RC3H2: variants seen among roughly 807,000 people sequenced by gnomAD.
RC3H2 encodes the protein roquin-2.
RC3H2 carries 31 observed loss-of-function variants against 133.3 expected under a neutral mutation model. The ratio of observed to expected loss-of-function variants is 0.23; its 90% CI spans 0.17 to 0.31. RC3H2 has a LOEUF of 0.31. RC3H2 is among the 10% of genes least tolerant of loss of function. RC3H2 has a pLI of 1.00. For missense variants in RC3H2, 1,175 were observed against 1,437.2 expected (o/e 0.82, Z 2.95); for synonymous variants, 517 against 502.2 (o/e 1.03, Z -0.40).
At chr9:122,868,937 T>G (rs562350997) in intron 9 of RC3H2, among the ~76,000 whole-genome samples, 6 of 146,490 alleles carry the variant, frequency 4.1e-5, no homozygotes, top group Admixed American at 1.4e-4. Flanking sequence ...GTTCCACTCT[T>G]GTCGCCCAGG....
intron 18 of RC3H2, among the ~76,000 whole-genome samples, chr9:122,852,620 G>A (rs1021717860): frequency 8.6e-5 from 13 of 151,178 alleles, no homozygotes; most frequent in Admixed American, 2.6e-4. Flanking sequence ...CGCCCTGACC[G>A]GGAGGGAGGT....
intron 4 of RC3H2, among the ~76,000 whole-genome samples, chr9:122,885,370 T>C (rs1226140572): frequency 6.6e-6 from 1 of 152,168 alleles, no homozygotes; most frequent in Non-Finnish European, 1.5e-5. Flanking sequence ...TATTTCAGAA[T>C]TATAAATTAC....
chr9:122,871,688 C>T (rs1288035138), intron 9 of RC3H2, among the ~76,000 whole-genome samples: 1 of 152,080 alleles, frequency 6.6e-6, no homozygotes, highest in Non-Finnish European at 1.5e-5. Context: ...CTTTCTCAAT[C>T]ACTCTTTTTC....
intron 4 of RC3H2, 122 bp from the exon 5 acceptor site, chr9:122,883,501 T>C: frequency 3.1e-6 from 2 of 638,240 alleles, no homozygotes; most frequent in East Asian, 3.1e-5. Flanking sequence ...TATATTTAAT[T>C]AGCACAAAGA....
At chr9:122,867,212 A>C (rs1588071561) in intron 9 of RC3H2, among the ~76,000 whole-genome samples, 2 of 98,576 alleles carry the variant, frequency 2.0e-5, no homozygotes, top group Non-Finnish European at 4.3e-5. Context: ...CCCGGCAGCC[A>C]CCCCGTCCGG....
In RC3H2 at chr9:122,844,937, A is replaced by G. The variant is rs1368276053; in HGVS notation, c.*4690T>C. On this transcript the variant is annotated 3_prime_UTR_variant, in exon 21 of 21. Coordinates refer to ENST00000357244, the MANE Select transcript of RC3H2 (RefSeq NM_001100588.3). ...ATTTCATTGTACAGAATTATTTTAAATTATAGTTTTAAATAGAAGCTGAGT... is the reference window on the plus strand; with the variant it reads ...ATTTCATTGTACAGAATTATTTTAAGTTATAGTTTTAAATAGAAGCTGAGT... The G allele has an allele frequency of 1.3e-5, 2 of 152,212 alleles. No individual in the cohort carries two copies. The highest frequency in any genetic ancestry group is 2.9e-5 in the Non-Finnish European group (2 of 68,038). The allele number at this position is 152,212 out of a possible 1,614,324, so 9.4% of individuals were successfully genotyped here.
At chr9:122,898,106 T>C (rs761199022) in intron 1 of RC3H2, 4 of 152,268 alleles carry the variant, frequency 2.6e-5, no homozygotes, top group Non-Finnish European at 5.9e-5. Context: ...TGACAAGACT[T>C]GGCTAGGAAG....
intron 15 of RC3H2, 46 bp downstream of exon 15, chr9:122,855,116 TAAAAAAAAAAAAAAAAAAGGCA>T (rs1830192759): frequency 1.2e-6 from 1 of 868,972 alleles, no homozygotes; most frequent in Non-Finnish European, 1.7e-6. Context: ...CTGTCTCAAT[TAAAAAAAAAAAAAAAAAAGGCA>T]TAGTGCTTAG....
rs747589293 is a variant in RC3H2 at position 122,892,954 on chromosome 9, C to T, written c.304G>A (p.Val102Ile). 15 of 1,612,582 alleles carry T rather than the reference C, an allele frequency of 9.3e-6. No homozygotes were observed. The highest frequency in any genetic ancestry group is 2.2e-5 in the East Asian group (1 of 44,814). ...TTTAAGTAGAGTGCCAAATCCTCAA[C>T]GCATTTCTTTGCAACCTCATAGTGT... ...NKHYEVAKKCVEDLALYLKPL... is the reference protein window; with the variant it reads ...NKHYEVAKKCIEDLALYLKPL... The change falls in exon 3 of 21, where the codon GTT becomes ATT. Residue 102 changes from valine (V) to isoleucine (I), a missense_variant. Coordinates refer to ENST00000357244, the MANE Select transcript of RC3H2 (RefSeq NM_001100588.3).
intron 16 of RC3H2, 56 bp from the exon 17 acceptor site, chr9:122,854,322 G>C: frequency 7.0e-7 from 1 of 1,432,620 alleles, no homozygotes; most frequent in Non-Finnish European, 9.8e-7. Flanking sequence ...AGCAACAAAA[G>C]CAGTAATAAC....
Position 122,854,602 on chromosome 9 carries a change from A to G in RC3H2, c.2829T>C (p.Tyr943=), listed in dbSNP as rs1415542749. 7 of 1,610,886 alleles carry G rather than the reference A, an allele frequency of 4.3e-6. No individual in the cohort carries two copies. Among genetic ancestry groups the G allele is most frequent in the African/African-American group, 1.3e-5 (1 of 74,878 alleles). ...TCCACCTTGAATCAACAGCATTGAC[A>G]TAAGGGACATAATCTACAGACATGT... ...KPISVSDYVP[Y]VNAVDSRWSS... Residue 943 remains tyrosine (Y), a synonymous_variant, in exon 16 of 21, where the codon TAT becomes TAC. Transcript: ENST00000357244.
intron 13 of RC3H2, among the ~76,000 whole-genome samples, chr9:122,856,082 C>T (rs575970315): frequency 6.6e-6 from 1 of 152,044 alleles, no homozygotes; most frequent in Admixed American, 6.5e-5. Flanking sequence ...TTCACTTTGT[C>T]CTTTAAGTGC....
At chr9:122,887,072 T>C (rs1831948388) in intron 4 of RC3H2, among the ~76,000 whole-genome samples, 2 of 152,346 alleles carry the variant, frequency 1.3e-5, no homozygotes, top group South Asian at 4.1e-4. Context: ...TCAGACTTTA[T>C]CCATCTGCTA....
chr9:122,851,405 T>A lies in RC3H2; in HGVS notation c.3149A>T (p.Asp1050Val). ...CTCGATATCCCTATCAGGTTTAGTA[T>A]CTGTTGCATCTTCTGTATAATCACT... is the stretch of plus-strand genomic sequence containing the variant. ...LQSDYTEDAT[D>V]TKPDRDIELE... Residue 1050 changes from aspartate to valine, a missense_variant, in exon 19 of 21, where the codon GAT becomes GTT. Around this residue, in one of 8 missense-constraint regions of RC3H2, gnomAD observed 220 missense variants for 201.1 expected, o/e 1.09. Coordinates refer to ENST00000357244, the MANE Select transcript of RC3H2 (RefSeq NM_001100588.3). 6.2e-7 allele frequency: 1 copy of A among 1,614,208 alleles called. No homozygotes were observed. The highest frequency in any genetic ancestry group is 8.5e-7 in the Non-Finnish European group (1 of 1,180,032).
intron 14 of RC3H2, 80 bp downstream of exon 14, chr9:122,855,652 T>C (rs959357193): frequency 1.4e-6 from 2 of 1,470,812 alleles, no homozygotes; most frequent in Non-Finnish European, 1.8e-6. Context: ...AATGAATGAA[T>C]AGAAAACATT....
At chr9:122,903,420 C>T (rs1564326433) in intron 1 of RC3H2, among the ~76,000 whole-genome samples, 2 of 152,114 alleles carry the variant, frequency 1.3e-5, no homozygotes, top group African/African-American at 2.4e-5. Flanking sequence ...ATATAAAATC[C>T]TGAGTGTAAA....
chr9:122,889,144 T>C (rs1832057522), intron 4 of RC3H2, among the ~76,000 whole-genome samples: 1 of 152,186 alleles, frequency 6.6e-6, no homozygotes, highest in Non-Finnish European at 1.5e-5. Flanking sequence ...ACGTAATTTA[T>C]AAATATTTTC....
At position 122,854,061 on chromosome 9, in the gene RC3H2, TGAA is replaced by T; in HGVS notation, c.3005_3007del (p.Leu1002del). 6.2e-7 allele frequency: 1 copy of T among 1,614,064 alleles called. No individual in the cohort carries two copies. Among genetic ancestry groups the T allele is most frequent in the Non-Finnish European group, 8.5e-7 (1 of 1,180,034 alleles). On this transcript the variant is annotated inframe_deletion, in exon 18 of 21. Transcript: ENST00000357244. The stretch of plus-strand genomic sequence containing the variant: ...CATGGCCAAAGCATTGGCCTCTCTC[TGAA>T]GAAGTAATGAGTTGCTCTTGGCCTA...
intron 9 of RC3H2, among the ~76,000 whole-genome samples, chr9:122,873,313 G>A (rs1831182271): frequency 6.6e-6 from 1 of 152,200 alleles, no homozygotes; most frequent in South Asian, 2.1e-4. Context: ...AATAGAGTGT[G>A]AAGCTGGTTG....
Sources: allele counts gnomAD v4.1 joint callset (sites outside exome capture counted in the v4.1 genomes callset), GRCh38; gene constraint gnomAD v4.1.1; regional missense constraint gnomAD v4.1.1; transcripts MANE v1.5; gene names NCBI Gene and HGNC (gene_info 2026-07-23, HGNC 2026-07-21).